The following RSU1 variants were observed in gnomAD, a reference collection of about 807,000 sequenced individuals.
The protein encoded by RSU1 is Ras suppressor protein 1.
RSU1 carries 26 observed loss-of-function variants against 31.1 expected under a neutral mutation model. That is an observed-to-expected ratio of 0.84 (90% CI 0.61 to 1.16). The LOEUF (loss-of-function observed/expected upper bound fraction) is 1.16, where lower values mean the gene tolerates loss of function less well. Ranked by LOEUF, RSU1 falls within the 50% of genes most tolerant of loss-of-function variation. The pLI is 0.00. For synonymous variants in RSU1, 164 were observed against 136.3 expected (o/e 1.20, Z -1.41); for missense variants, 320 against 339.1 (o/e 0.94, Z 0.44).
chr10:16,605,419 G>C (rs765708164), intron 8 of RSU1, among the ~76,000 whole-genome samples: 1 of 152,188 alleles, frequency 6.6e-6, no homozygotes, highest in South Asian at 2.1e-4. Flanking sequence ...TTGACTTAAT[G>C]AAAGTGTGTA....
rs1176513780 is a variant in RSU1 at position 16,592,459 on chromosome 10, G to GCAGA, written c.*934_*935insTCTG. ...ACTCTGCAACTGTGGTTTCCACCCTGGGTGTGGTGTAGCGCGTGCACATTT... is the reference window on the plus strand; with the variant it reads ...ACTCTGCAACTGTGGTTTCCACCCTGCAGAGGTGTGGTGTAGCGCGTGCACATTT... On this transcript the variant is annotated 3_prime_UTR_variant, in exon 9 of 9. Transcript: ENST00000345264. 1 of 152,174 alleles carries GCAGA rather than the reference G, an allele frequency of 6.6e-6. No individual in the cohort carries two copies. The highest frequency in any genetic ancestry group is 1.5e-5 in the Non-Finnish European group (1 of 68,024). The allele number at this position is 152,174 out of a possible 1,614,324, so 9.4% of individuals were successfully genotyped here. A position where few individuals can be genotyped will look rare whatever the true frequency, so the allele number is the denominator to read the frequency against.
chr10:16,677,009 C>T lies in RSU1; in HGVS notation c.731+18014G>A, dbSNP rs532008070. On this transcript the variant is annotated intron_variant, in intron 8 of 8. Transcript: ENST00000345264. ...TTGAATGTCGCATGTGCCTGCAACC[C>T]TAGTATGAGGATGAGGCCTTGTAGG... Among the ~76,000 whole-genome samples, 5 of 152,192 alleles carry T rather than the reference C, an allele frequency of 3.3e-5. No individual in the cohort carries two copies. The South Asian group carries it at 6.2e-4, about 19-fold the overall frequency.
chr10:16,767,838 C>A (rs1837345062), intron 3 of RSU1, among the ~76,000 whole-genome samples: 1 of 152,110 alleles, frequency 6.6e-6, no homozygotes, highest in South Asian at 2.1e-4. Flanking sequence ...CTGAAACAGG[C>A]CTAGTGCTTG....
At chr10:16,717,052 G>A (rs1384729365) in intron 7 of RSU1, among the ~76,000 whole-genome samples, 4 of 152,132 alleles carry the variant, frequency 2.6e-5, no homozygotes, top group Non-Finnish European at 4.4e-5. Context: ...AGTATGAAAC[G>A]AAATTAACTT....
rs544636622 is a variant in RSU1, at chr10:16,710,681, A to C, written c.599-15526T>G. 5.9e-5 allele frequency among the ~76,000 whole-genome samples: 9 copies of C among 151,368 alleles called. No homozygotes were observed. The South Asian group carries it at 1.9e-3, about 32-fold the overall frequency. On this transcript the variant is annotated intron_variant, in intron 7 of 8. Transcript: ENST00000345264. ...TTTTTTTTAAATTTTTTTATTTTTT[A>C]TTATACTTTAAGTTCTGGGATATAT...
intron 5 of RSU1, among the ~76,000 whole-genome samples, chr10:16,754,053 T>C (rs1837033529): frequency 1.3e-5 from 2 of 152,130 alleles, no homozygotes; most frequent in African/African-American, 4.8e-5. Flanking sequence ...ATAATAAAAA[T>C]AGTTGCTCCA....
intron 8 of RSU1, among the ~76,000 whole-genome samples, chr10:16,633,605 TGAG>T (rs2131493270): frequency 6.6e-6 from 1 of 152,178 alleles, no homozygotes; most frequent in African/African-American, 2.4e-5. Context: ...GTGACTATGT[TGAG>T]GTGGTGAGTC....
chr10:16,719,192 C>T (rs1836205875), intron 7 of RSU1, among the ~76,000 whole-genome samples: 1 of 152,022 alleles, frequency 6.6e-6, no homozygotes, highest in Admixed American at 6.6e-5. Context: ...CCTCTAGTCC[C>T]AGCTACTCAG....
intron 8 of RSU1, among the ~76,000 whole-genome samples, chr10:16,632,301 C>T (rs536796000): frequency 6.6e-6 from 1 of 152,242 alleles, no homozygotes; most frequent in Non-Finnish European, 1.5e-5. Flanking sequence ...AAAGAAATTG[C>T]TTTCTTAAAC....
chr10:16,659,874 G>C (rs560195377), intron 8 of RSU1, among the ~76,000 whole-genome samples: 21 of 152,242 alleles, frequency 1.4e-4, no homozygotes, highest in Non-Finnish European at 2.1e-4. Context: ...AGTGCTGCTT[G>C]GTATACAAAG....
At chr10:16,698,563 A>G (rs1404345617) in intron 7 of RSU1, among the ~76,000 whole-genome samples, 1 of 152,188 alleles carries the variant, frequency 6.6e-6, no homozygotes, top group Non-Finnish European at 1.5e-5. Flanking sequence ...AAGAAAGGTC[A>G]GCCATGTTCT....
At chr10:16,697,703 G>A (rs1835706992) in intron 7 of RSU1, among the ~76,000 whole-genome samples, 3 of 150,920 alleles carry the variant, frequency 2.0e-5, no homozygotes, top group Admixed American at 6.6e-5. Context: ...GTATTGCAAA[G>A]TAGATGAAAA....
chr10:16,644,677 T>A (rs1452789957), intron 8 of RSU1, among the ~76,000 whole-genome samples: 5 of 152,106 alleles, frequency 3.3e-5, no homozygotes, highest in African/African-American at 1.2e-4. Flanking sequence ...GCCCGCTAAA[T>A]GGATCTGCAG....
intron 2 of RSU1, among the ~76,000 whole-genome samples, chr10:16,815,941 G>T (rs531885607): frequency 1.0e-3 from 157 of 152,346 alleles, no homozygotes; most frequent in Non-Finnish European, 1.7e-3. Flanking sequence ...GTTCAGAATG[G>T]CTGGAATGCC....
intron 5 of RSU1, 104 bp from the exon 6 acceptor site, chr10:16,753,104 T>C (rs1837013469): frequency 1.2e-6 from 1 of 825,716 alleles, no homozygotes; most frequent in Non-Finnish European, 2.0e-6. Flanking sequence ...CCTGGCTTGG[T>C]GAAAAGCCTT....
chr10:16,667,632 C>T (rs139620633), intron 8 of RSU1, among the ~76,000 whole-genome samples: 215 of 152,116 alleles, frequency 1.4e-3, no homozygotes, highest in African/African-American at 4.7e-3. Context: ...GGATTACAGG[C>T]GTGCACCACC....
chr10:16,667,193 T>C (rs17138974), intron 8 of RSU1, among the ~76,000 whole-genome samples: 9,321 of 152,250 alleles, frequency 0.061, 451 homozygotes, highest in East Asian at 0.19. Context: ...TCTGAAATCA[T>C]CTCTGGGAAG....
At chr10:16,613,085 C>T (rs956828842) in intron 8 of RSU1, among the ~76,000 whole-genome samples, 1 of 152,090 alleles carries the variant, frequency 6.6e-6, no homozygotes, top group Non-Finnish European at 1.5e-5. Context: ...AAATCATCAT[C>T]GCCTCTCCCC....
chr10:16,796,593 G>T (rs115664995), intron 2 of RSU1, among the ~76,000 whole-genome samples: 1,646 of 152,222 alleles, frequency 0.011, 22 homozygotes, highest in African/African-American at 0.038. Context: ...CAACAAGTAT[G>T]AAATTGTCAA....
Sources: allele counts gnomAD v4.1 joint callset (sites outside exome capture counted in the v4.1 genomes callset), GRCh38; gene constraint gnomAD v4.1.1; transcripts MANE v1.5; gene names NCBI Gene and HGNC (gene_info 2026-07-23, HGNC 2026-07-21).